RELN: variants seen among roughly 807,000 people sequenced by gnomAD.
RELN encodes the protein reelin.
A neutral mutation model predicts 427.6 loss-of-function variants in RELN; 108 were observed. That is an observed-to-expected ratio of 0.25 (90% CI 0.22 to 0.30). RELN has a LOEUF of 0.30. Ranked by LOEUF, RELN falls within the 10% of genes least tolerant of loss-of-function variation. The pLI is 1.00. For synonymous variants in RELN, 1,524 were observed against 1,513.4 expected, an observed-to-expected ratio of 1.01 and a Z score of -0.16; for missense variants, 3,715 against 4,302.8, an observed-to-expected ratio of 0.86 and a Z score of 3.82.
chr7:103,678,760 A>C (rs1441808936), intron 11 of RELN, among the ~76,000 whole-genome samples: 4 of 152,196 alleles, frequency 2.6e-5, no homozygotes, highest in African/African-American at 9.6e-5. Context: ...CACATTAATA[A>C]TTTTTTATTT....
In RELN at chr7:103,708,464, C is replaced by CTTTTTTTTTTTTTTTTTTTT. The variant is rs745955015; in HGVS notation, c.806-7459_806-7458insAAAAAAAAAAAAAAAAAAAA. 2.7e-3 allele frequency among the ~76,000 whole-genome samples: 301 copies of CTTTTTTTTTTTTTTTTTTTT among 109,994 alleles called. 27 individuals carry two copies. Among genetic ancestry groups the CTTTTTTTTTTTTTTTTTTTT allele is most frequent in the African/African-American group, 4.7e-3 (106 of 22,590 alleles). 72.2% of individuals were successfully genotyped at this position (109,994 alleles called of 152,430 possible). A position where few individuals can be genotyped will look rare whatever the true frequency, so the allele number is the denominator to read the frequency against. Reference sequence around the variant, plus strand: ...CACCCAAACACCAGTGGGTATGACTCTTTTTTTTTTTTTTTTTGAGACGGA... The same window carrying CTTTTTTTTTTTTTTTTTTTT: ...CACCCAAACACCAGTGGGTATGACTCTTTTTTTTTTTTTTTTTTTTTTTTTTTTTTTTTTTTTGAGACGGA... On this transcript the variant is annotated intron_variant, in intron 8 of 64. Transcript: ENST00000428762.
intron 1 of RELN, among the ~76,000 whole-genome samples, chr7:103,940,785 G>C (rs1490069732): frequency 1.3e-5 from 2 of 152,188 alleles, no homozygotes; most frequent in Non-Finnish European, 2.9e-5. Flanking sequence ...TTGGATAATG[G>C]ATTCAGAGAA....
At chr7:103,773,128 C>CTTTCTTTCTT (rs1791619833) in intron 4 of RELN, among the ~76,000 whole-genome samples, 1 of 93,920 alleles carries the variant, frequency 1.1e-5, no homozygotes, top group East Asian at 4.2e-4. Context: ...TTCTTTCTTT[C>CTTTCTTTCTT]TTTCTTTCTT....
At chr7:103,724,544 T>C (rs1337237505) in intron 7 of RELN, among the ~76,000 whole-genome samples, 2 of 152,210 alleles carry the variant, frequency 1.3e-5, no homozygotes, top group Non-Finnish European at 2.9e-5. Context: ...ATCCTGATGG[T>C]GTAATAAATG....
chr7:103,566,559 G>T (rs1830756163), intron 32 of RELN, 42 bp downstream of exon 32: 3 of 1,612,380 alleles, frequency 1.9e-6, no homozygotes, highest in Non-Finnish European at 8.5e-7. Context: ...GATACTTCAT[G>T]ACCTAAAAGC....
At chr7:103,712,930 C>A (rs1283721816) in intron 8 of RELN, among the ~76,000 whole-genome samples, 1 of 151,962 alleles carries the variant, frequency 6.6e-6, no homozygotes, top group Admixed American at 6.6e-5. Context: ...CAGGACTTTT[C>A]AAAGTAAATC....
intron 4 of RELN, among the ~76,000 whole-genome samples, chr7:103,754,522 C>G (rs1025708196): frequency 3.9e-5 from 6 of 152,004 alleles, no homozygotes; most frequent in Admixed American, 6.6e-5. Context: ...CCTGTAATCC[C>G]AGCACTTTGG....
At chr7:103,939,440 A>G (rs1196368562) in intron 1 of RELN, among the ~76,000 whole-genome samples, 2 of 152,208 alleles carry the variant, frequency 1.3e-5, no homozygotes, top group Non-Finnish European at 2.9e-5. Context: ...TGTCTATCAA[A>G]AAGCCCAAGA....
chr7:103,745,424 G>A (rs1053839559), intron 6 of RELN, among the ~76,000 whole-genome samples: 1 of 149,996 alleles, frequency 6.7e-6, no homozygotes, highest in African/African-American at 2.5e-5. Context: ...AGGGCAATTA[G>A]GCAGGAGAAG....
At chr7:103,636,840 T>C (rs1327389043) in intron 17 of RELN, among the ~76,000 whole-genome samples, 3 of 152,200 alleles carry the variant, frequency 2.0e-5, no homozygotes, top group Non-Finnish European at 4.4e-5. Flanking sequence ...GCACTTCCAA[T>C]AAGATACCCA....
chr7:103,745,098 AGGCTGGTTCAATATAC>A (rs1790782653), intron 6 of RELN, among the ~76,000 whole-genome samples: 11 of 152,190 alleles, frequency 7.2e-5, no homozygotes, highest in African/African-American at 2.7e-4. Flanking sequence ...CTGGGATGCA[AGGCTGGTTCAATATAC>A]GCAAATCAAT....
At chr7:103,862,733 C>A (rs1794101715) in intron 2 of RELN, among the ~76,000 whole-genome samples, 1 of 152,036 alleles carries the variant, frequency 6.6e-6, no homozygotes, top group Non-Finnish European at 1.5e-5. Flanking sequence ...AAACAGAAAG[C>A]TGAGAAAGAA....
rs571367213 is a variant in RELN at position 103,556,305 on chromosome 7, C to A, written c.5797+672G>T. ...AAATGCAACAAAAATGTCATTACAACTGATGAGTGCCTAATGATAATGCTG... is the reference window on the plus strand; with the variant it reads ...AAATGCAACAAAAATGTCATTACAAATGATGAGTGCCTAATGATAATGCTG... On this transcript the variant is annotated intron_variant, in intron 38 of 64. Coordinates refer to ENST00000428762, the MANE Select transcript of RELN (RefSeq NM_005045.4). Among the ~76,000 whole-genome samples, 15 of 152,178 alleles carry A rather than the reference C, an allele frequency of 9.9e-5. No homozygotes were observed. The South Asian group carries it at 2.7e-3, about 27-fold the overall frequency.
At chr7:103,927,833 T>C (rs1266471390) in intron 1 of RELN, among the ~76,000 whole-genome samples, 2 of 152,158 alleles carry the variant, frequency 1.3e-5, no homozygotes, top group Non-Finnish European at 2.9e-5. Context: ...GGAGATGTCT[T>C]GAGGCCTAGG....
At chr7:103,895,747 A>G (rs978339101) in intron 2 of RELN, among the ~76,000 whole-genome samples, 1 of 152,096 alleles carries the variant, frequency 6.6e-6, no homozygotes, top group Non-Finnish European at 1.5e-5. Flanking sequence ...GCTAGGCTCT[A>G]TCACCTGGAG....
intron 3 of RELN, among the ~76,000 whole-genome samples, chr7:103,796,365 C>A (rs1792298122): frequency 1.3e-5 from 2 of 152,138 alleles, no homozygotes; most frequent in Non-Finnish European, 2.9e-5. Context: ...TTGCCTAATT[C>A]AAATTTCTGG....
intron 2 of RELN, among the ~76,000 whole-genome samples, chr7:103,840,711 T>C (rs1793532041): frequency 6.6e-6 from 1 of 152,210 alleles, no homozygotes; most frequent in African/African-American, 2.4e-5. Context: ...TTTTGTACCA[T>C]GAAAGAGATA....
chr7:103,472,743 T>A lies in RELN; in HGVS notation c.*69A>T. 1 of 1,208,040 alleles carries A rather than the reference T, an allele frequency of 8.3e-7. No individual in the cohort carries two copies. Among genetic ancestry groups the A allele is most frequent in the Non-Finnish European group, 1.2e-6 (1 of 813,994 alleles). The allele number at this position is 1,208,040 out of a possible 1,614,324, so 74.8% of individuals were successfully genotyped here. ...AGATATTTCCTGATATCAGATGTAG[T>A]GCGAGATTTAAAAGAATGGAGAGCA... is the stretch of plus-strand genomic sequence containing the variant. On this transcript the variant is annotated 3_prime_UTR_variant, in exon 65 of 65. Coordinates refer to ENST00000428762, the MANE Select transcript of RELN (RefSeq NM_005045.4).
At chr7:103,698,709 C>A (rs540734769) in intron 9 of RELN, among the ~76,000 whole-genome samples, 29 of 151,950 alleles carry the variant, frequency 1.9e-4, no homozygotes, top group Non-Finnish European at 3.5e-4. Flanking sequence ...TGAAATAGGT[C>A]TTGCTATGTT....
Sources: gnomAD v4.1 joint callset for allele counts (sites outside exome capture counted in the v4.1 genomes callset) on GRCh38, gnomAD v4.1.1 for gene constraint, MANE v1.5 for transcripts, NCBI Gene and HGNC (gene_info 2026-07-23, HGNC 2026-07-21) for gene names.